Variants in NBAS observed in about 807,000 individuals in gnomAD.
NBAS encodes the protein NBAS subunit of NRZ tethering complex.
In NBAS, 219 loss-of-function variants were observed where a neutral mutation model predicts 302.5. The ratio of observed to expected loss-of-function variants is 0.72; its 90% CI spans 0.65 to 0.81. The LOEUF is 0.81. Ranked by LOEUF, NBAS falls within the 30% of genes least tolerant of loss-of-function variation. The pLI is 0.00. For synonymous variants in NBAS, 1,118 were observed against 1,021.6 expected, an observed-to-expected ratio of 1.09 and a Z score of -1.80; for missense variants, 2,932 against 2,841.6, an observed-to-expected ratio of 1.03 and a Z score of -0.72.
intron 35 of NBAS, among the ~76,000 whole-genome samples, chr2:15,340,501 G>T (rs542314842): frequency 6.6e-6 from 1 of 152,312 alleles, no homozygotes; most frequent in South Asian, 2.1e-4. Context: ...AACATATTGA[G>T]ATTGGGTTGT....
the NBAS span, among the ~76,000 whole-genome samples, chr2:15,140,467 A>C: frequency 1.3e-5 from 2 of 152,222 alleles, no homozygotes; most frequent in Non-Finnish European, 2.9e-5. Context: ...CCACTTGGTG[A>C]CCTTAACCAA....
chr2:14,786,902 GTCTAATGT>G, the NBAS span, among the ~76,000 whole-genome samples: 1 of 152,232 alleles, frequency 6.6e-6, no homozygotes, highest in South Asian at 2.1e-4. Context: ...TCATTGATCT[GTCTAATGT>G]TGACAGTGGG....
At chr2:15,538,061 AT>A (rs1368632924) in intron 7 of NBAS, among the ~76,000 whole-genome samples, 1 of 152,230 alleles carries the variant, frequency 6.6e-6, no homozygotes, top group Non-Finnish European at 1.5e-5. Context: ...AAACTATCAC[AT>A]TAATAATGTT....
chr2:15,326,280 T>G (rs184026066), intron 38 of NBAS, among the ~76,000 whole-genome samples: 32 of 152,330 alleles, frequency 2.1e-4, no homozygotes, highest in Non-Finnish European at 4.0e-4. Flanking sequence ...CCTTCAATTT[T>G]TTATAAAGCA....
chr2:15,453,709 A>G (rs1353305562), intron 21 of NBAS, among the ~76,000 whole-genome samples: 1 of 152,216 alleles, frequency 6.6e-6, no homozygotes, highest in African/African-American at 2.4e-5. Flanking sequence ...GAATCATCAA[A>G]TAACCTAACT....
the NBAS span, among the ~76,000 whole-genome samples, chr2:14,989,450 C>T: frequency 3.3e-5 from 5 of 151,842 alleles, no homozygotes; most frequent in Admixed American, 6.6e-5. Context: ...ACCAGCTACT[C>T]GGGAGTCTGA....
chr2:14,805,363 TGAGGGTAAGGAG>T, the NBAS span, among the ~76,000 whole-genome samples: 1 of 151,812 alleles, frequency 6.6e-6, no homozygotes, highest in Non-Finnish European at 1.5e-5. Context: ...ACAAAAGAGA[TGAGGGTAAGGAG>T]GAAAACCGGC....
the NBAS span, among the ~76,000 whole-genome samples, chr2:15,083,530 G>T: frequency 2.4e-4 from 36 of 152,340 alleles, no homozygotes; most frequent in Admixed American, 1.4e-3. Context: ...GTTGTGGGAT[G>T]AAATTATCTG....
the NBAS span, among the ~76,000 whole-genome samples, chr2:14,929,435 T>G: frequency 2.7e-4 from 41 of 152,200 alleles, no homozygotes; most frequent in Non-Finnish European, 5.0e-4. Context: ...TGGAGTGCAG[T>G]GGTGCAATCT....
chr2:14,817,338 T>C, the NBAS span, among the ~76,000 whole-genome samples: 358 of 152,334 alleles, frequency 2.4e-3, no homozygotes, highest in African/African-American at 7.8e-3. Flanking sequence ...GGAAGGACCA[T>C]TAACTCTGAG....
Position 15,420,583 on chromosome 2 carries a change from G to A in NBAS, c.2578-2871C>T, listed in dbSNP as rs529629324. 1.1e-4 allele frequency among the ~76,000 whole-genome samples: 16 copies of A among 152,230 alleles called. No individual in the cohort carries two copies. In the South Asian group the frequency reaches 3.3e-3, roughly 32 times the overall value. ...ATGCAGTAAAGAAGGAGAGGTAAAA[G>A]ATACAAGCCAGAGAAAACAGACAGC... On this transcript the variant is annotated intron_variant, in intron 23 of 51. Coordinates refer to ENST00000281513, the MANE Select transcript of NBAS (RefSeq NM_015909.4).
intron 47 of NBAS, among the ~76,000 whole-genome samples, chr2:15,229,347 CAAAAAAAAAA>C (rs61152926): frequency 2.7e-4 from 21 of 76,924 alleles, no homozygotes; most frequent in Non-Finnish European, 1.9e-4. Flanking sequence ...TCTCAAAAAA[CAAAAAAAAAA>C]AAAAAAAAAA....
chr2:14,980,526 A>T, the NBAS span, among the ~76,000 whole-genome samples: 1 of 152,204 alleles, frequency 6.6e-6, no homozygotes, highest in Non-Finnish European at 1.5e-5. Context: ...CTGCTGTGGG[A>T]GACTTCCCAA....
chr2:15,383,150 T>C (rs1675121754), intron 29 of NBAS, 65 bp downstream of exon 29: 1 of 1,340,772 alleles, frequency 7.5e-7, no homozygotes, highest in African/African-American at 1.5e-5. Flanking sequence ...CAATCTTGTA[T>C]CCAATAAACC....
intron 26 of NBAS, among the ~76,000 whole-genome samples, chr2:15,399,733 A>C (rs1314868106): frequency 6.6e-6 from 1 of 152,230 alleles, no homozygotes; most frequent in Non-Finnish European, 1.5e-5. Flanking sequence ...GGATTAGACC[A>C]TTCAGTGAAC....
the NBAS span, among the ~76,000 whole-genome samples, chr2:15,152,351 G>A: frequency 6.6e-6 from 1 of 152,202 alleles, no homozygotes; most frequent in African/African-American, 2.4e-5. Context: ...CAAAATGGGG[G>A]AATTGTTAAA....
At chr2:15,074,231 G>A in the NBAS span, among the ~76,000 whole-genome samples, 1 of 152,096 alleles carries the variant, frequency 6.6e-6, no homozygotes, top group Non-Finnish European at 1.5e-5. Context: ...ACAGTGTTGT[G>A]ACAATAGGCC....
chr2:15,079,493 A>G, the NBAS span, among the ~76,000 whole-genome samples: 1 of 152,086 alleles, frequency 6.6e-6, no homozygotes, highest in Non-Finnish European at 1.5e-5. Flanking sequence ...TGCCAGGGCC[A>G]CCTTTCCTCC....
the NBAS span, among the ~76,000 whole-genome samples, chr2:15,028,712 C>T: frequency 1.3e-5 from 2 of 152,290 alleles, no homozygotes; most frequent in South Asian, 4.1e-4. Flanking sequence ...CTAGAACACC[C>T]TTCCTCCAGA....
Sources: gnomAD v4.1 joint callset for allele counts (sites outside exome capture counted in the v4.1 genomes callset) on GRCh38, gnomAD v4.1.1 for gene constraint, MANE v1.5 for transcripts, NCBI Gene and HGNC (gene_info 2026-07-23, HGNC 2026-07-21) for gene names.